MAPK10: variants seen among roughly 807,000 people sequenced by gnomAD.
MAPK10 encodes the protein JNK3 alpha protein kinase.
A neutral mutation model predicts 59.3 loss-of-function variants in MAPK10; 25 were observed. That is an observed-to-expected ratio of 0.42 (90% CI 0.31 to 0.59). MAPK10 has a LOEUF of 0.59. MAPK10 is among the 20% of genes least tolerant of loss of function. The pLI is 0.15. For synonymous variants in MAPK10, 190 were observed against 200.5 expected, an observed-to-expected ratio of 0.95 and a Z score of 0.44; for missense variants, 351 against 568.9, an observed-to-expected ratio of 0.62 and a Z score of 3.90.
intron 1 of MAPK10, among the ~76,000 whole-genome samples, chr4:86,480,523 T>C (rs1753523033): frequency 1.3e-5 from 2 of 152,138 alleles, no homozygotes; most frequent in African/African-American, 4.8e-5. Flanking sequence ...GCGAGTGAAA[T>C]GAACACCTTT....
rs1473977052 is a variant in MAPK10, at chr4:86,537,512, A to G, written c.-263+56398T>C. Reference sequence around the variant, plus strand: ...CCAGGGTTCCTTGGAGAAATGGCTGATTCAAGAGCTGGAGCAGAAAGTGTG... The same window carrying G: ...CCAGGGTTCCTTGGAGAAATGGCTGGTTCAAGAGCTGGAGCAGAAAGTGTG... On this transcript the variant is annotated intron_variant, in intron 1 of 4. Coordinates refer to the MAPK10 transcript ENST00000502302. Among the ~76,000 whole-genome samples the G allele has an allele frequency of 3.3e-5, 5 of 152,312 alleles. No homozygotes were observed. The East Asian group carries it at 9.7e-4, about 29-fold the overall frequency.
chr4:86,217,874 G>T (rs2148628903), intron 2 of MAPK10, among the ~76,000 whole-genome samples: 1 of 152,012 alleles, frequency 6.6e-6, no homozygotes. Flanking sequence ...AATACATATT[G>T]ACTGCAAACC....
At chr4:86,243,179 T>C (rs546770727) in intron 2 of MAPK10, among the ~76,000 whole-genome samples, 1 of 152,278 alleles carries the variant, frequency 6.6e-6, no homozygotes, top group South Asian at 2.1e-4. Context: ...ATACGTTTAT[T>C]ATGTTTTTTT....
chr4:86,475,320 G>C (rs569250834), intron 1 of MAPK10, among the ~76,000 whole-genome samples: 2 of 152,176 alleles, frequency 1.3e-5, no homozygotes, highest in South Asian at 2.1e-4. Flanking sequence ...ATCTACCTAC[G>C]ACCTCGGGTC....
In MAPK10 at chr4:86,071,384, C is replaced by T. The variant is rs779229997; in HGVS notation, c.803-3429G>A. Among the ~76,000 whole-genome samples the T allele has an allele frequency of 3.6e-4, 44 of 122,306 alleles. 3 individuals carry two copies. The highest frequency in any genetic ancestry group is 3.0e-3 in the Admixed American group (40 of 13,276). The allele number at this position is 122,306 out of a possible 152,430, so 80.2% of individuals were successfully genotyped here. On this transcript the variant is annotated intron_variant, in intron 9 of 13. Coordinates refer to ENST00000641462, the MANE Select transcript of MAPK10 (RefSeq NM_138982.4). ...GGTAGTTTCTTTTGCTGTGCAGAAG[C>T]TCTTTAGTTTAATTAGATCCCATTT...
chr4:86,330,519 G>T (rs974211470), intron 2 of MAPK10, among the ~76,000 whole-genome samples: 1 of 152,124 alleles, frequency 6.6e-6, no homozygotes, highest in Non-Finnish European at 1.5e-5. Flanking sequence ...TCATGGGGGC[G>T]GTTACCCCCA....
chr4:86,166,049 T>C (rs977914142), intron 3 of MAPK10, among the ~76,000 whole-genome samples: 1 of 152,168 alleles, frequency 6.6e-6, no homozygotes, highest in African/African-American at 2.4e-5. Context: ...TATGAAGGTA[T>C]GGCTTCTGCC....
chr4:86,020,003 T>C (rs141456788), intron 13 of MAPK10, among the ~76,000 whole-genome samples: 123 of 152,338 alleles, frequency 8.1e-4, no homozygotes, highest in African/African-American at 2.9e-3. Flanking sequence ...TTTTTTAGTA[T>C]ATTCACAACA....
intron 1 of MAPK10, among the ~76,000 whole-genome samples, chr4:86,406,445 C>T (rs1744377137): frequency 6.6e-6 from 1 of 152,148 alleles, no homozygotes. Context: ...GCTAGTCCCA[C>T]AAAGCTACTC....
intron 1 of MAPK10, among the ~76,000 whole-genome samples, chr4:86,547,753 T>C (rs1489837922): frequency 1.3e-5 from 2 of 152,146 alleles, no homozygotes; most frequent in East Asian, 1.9e-4. Flanking sequence ...AGCTAAGGGA[T>C]TGTAAATACA....
intron 1 of MAPK10, among the ~76,000 whole-genome samples, chr4:86,524,050 G>A (rs531548627): frequency 6.6e-6 from 1 of 152,006 alleles, no homozygotes; most frequent in Non-Finnish European, 1.5e-5. Flanking sequence ...TTGTTAAAAA[G>A]AGCCTGCCGC....
At chr4:86,411,843 C>G (rs1745214188) in intron 1 of MAPK10, among the ~76,000 whole-genome samples, 1 of 152,180 alleles carries the variant, frequency 6.6e-6, no homozygotes. Context: ...TGGGTCTTGA[C>G]TCTTTATCCA....
intron 4 of MAPK10, among the ~76,000 whole-genome samples, chr4:86,156,585 G>C (rs1313135555): frequency 1.3e-5 from 2 of 151,968 alleles, no homozygotes; most frequent in Non-Finnish European, 2.9e-5. Context: ...AAACTTAGTT[G>C]TTAACTTTTG....
At chr4:86,252,331 T>C (rs2093485330) in intron 2 of MAPK10, among the ~76,000 whole-genome samples, 2 of 114,544 alleles carry the variant, frequency 1.7e-5, no homozygotes, top group Non-Finnish European at 3.3e-5. Flanking sequence ...CTTTAATCCA[T>C]CTTGAATTGA....
At chr4:86,573,065 T>C (rs1344140222) in intron 1 of MAPK10, among the ~76,000 whole-genome samples, 2 of 152,226 alleles carry the variant, frequency 1.3e-5, no homozygotes, top group Non-Finnish European at 2.9e-5. Flanking sequence ...AAATATTTTG[T>C]CCCAATCTGT....
At chr4:86,039,300 A>C (rs980413026) in intron 11 of MAPK10, among the ~76,000 whole-genome samples, 1 of 152,150 alleles carries the variant, frequency 6.6e-6, no homozygotes, top group East Asian at 1.9e-4. Flanking sequence ...ACAGTTTCAC[A>C]TTACCTGCTT....
At chr4:86,455,148 C>A (rs1433744722), upstream of MAPK10, among the ~76,000 whole-genome samples, 1 of 152,094 alleles carries the variant, frequency 6.6e-6, no homozygotes, top group East Asian at 1.9e-4. Context: ...AATCTTGAAA[C>A]ATATCCTAGA....
At chr4:86,128,362 C>T (rs529622116) in intron 4 of MAPK10, among the ~76,000 whole-genome samples, 2 of 152,140 alleles carry the variant, frequency 1.3e-5, no homozygotes, top group African/African-American at 4.8e-5. Flanking sequence ...CTGAGAGGGA[C>T]CAGATGGAGG....
At chr4:86,152,308 A>T (rs1485256120) in intron 4 of MAPK10, 6 of 151,134 alleles carry the variant, frequency 4.0e-5, no homozygotes, top group African/African-American at 1.5e-4. Context: ...GCACAGCACA[A>T]GAACCCTAAG....
Sources: gnomAD v4.1 joint callset for allele counts (sites outside exome capture counted in the v4.1 genomes callset) on GRCh38, gnomAD v4.1.1 for gene constraint, MANE v1.5 for transcripts, NCBI Gene and HGNC (gene_info 2026-07-23, HGNC 2026-07-21) for gene names.